TASP1: variants seen among roughly 807,000 people sequenced by gnomAD.
The protein encoded by TASP1 is taspase 1.
TASP1 carries 16 observed loss-of-function variants against 56.6 expected under a neutral mutation model. That is an observed-to-expected ratio of 0.28 (90% CI 0.19 to 0.43). TASP1 has a LOEUF of 0.43. Among genes scored for constraint, TASP1 ranks in the 20% least tolerant of loss-of-function variants. The pLI, the probability that TASP1 is intolerant of heterozygous loss-of-function variation, is 1.00. For synonymous variants in TASP1, 179 were observed against 184.2 expected, an observed-to-expected ratio of 0.97 and a Z score of 0.23; for missense variants, 393 against 511.6, an observed-to-expected ratio of 0.77 and a Z score of 2.24.
intron 5 of TASP1, among the ~76,000 whole-genome samples, chr20:13,583,064 T>C (rs189723387): frequency 2.0e-5 from 3 of 152,342 alleles, no homozygotes; most frequent in East Asian, 1.9e-4. Flanking sequence ...CACAGCAGCA[T>C]AGCTGAGAGC....
intron 8 of TASP1, among the ~76,000 whole-genome samples, chr20:13,551,862 C>T (rs1398999986): frequency 6.6e-6 from 1 of 152,204 alleles, no homozygotes; most frequent in Non-Finnish European, 1.5e-5. Context: ...GTAATCACTT[C>T]ATCACATACA....
chr20:13,109,757 T>C, the TASP1 span, among the ~76,000 whole-genome samples: 125 of 152,192 alleles, frequency 8.2e-4, no homozygotes, highest in Non-Finnish European at 1.3e-3. Context: ...ATTAATTATG[T>C]CTCTCAGAGT....
Position 13,390,240 on chromosome 20 carries a change from G to T in TASP1, c.*120C>A. ...CAGCAGCACTTGTGTCTCGAGCAGT[G>T]CACGAGGTTGCAATAGGAATTATAA... On this transcript the variant is annotated 3_prime_UTR_variant, in exon 14 of 14. Transcript: ENST00000337743. 1.1e-6 allele frequency: 1 copy of T among 880,140 alleles called. No homozygotes were observed. Among genetic ancestry groups the T allele is most frequent in the Non-Finnish European group, 1.8e-6 (1 of 566,444 alleles). 54.5% of individuals were successfully genotyped at this position (880,140 alleles called of 1,614,324 possible).
chr20:13,456,890 G>A (rs992324269), intron 11 of TASP1, among the ~76,000 whole-genome samples: 1 of 152,118 alleles, frequency 6.6e-6, no homozygotes, highest in African/African-American at 2.4e-5. Flanking sequence ...TAACCCACAA[G>A]CCAGACTTTT....
chr20:13,389,235 G>A (rs1486496649), downstream of TASP1, among the ~76,000 whole-genome samples: 1 of 152,078 alleles, frequency 6.6e-6, no homozygotes, highest in Non-Finnish European at 1.5e-5. Flanking sequence ...CTTCCATATT[G>A]AGCATTCAAT....
chr20:13,258,516 A>C, the TASP1 span, among the ~76,000 whole-genome samples: 3 of 152,132 alleles, frequency 2.0e-5, no homozygotes, highest in Non-Finnish European at 4.4e-5. Context: ...CTCAGACTCA[A>C]ACTGATACAT....
At chr20:13,467,632 C>A (rs1175206135) in intron 11 of TASP1, among the ~76,000 whole-genome samples, 4 of 151,978 alleles carry the variant, frequency 2.6e-5, no homozygotes, top group Non-Finnish European at 5.9e-5. Context: ...ATAAGAAGTT[C>A]TTTGGAACAT....
chr20:13,272,365 C>A, the TASP1 span, among the ~76,000 whole-genome samples: 1 of 152,170 alleles, frequency 6.6e-6, no homozygotes, highest in Admixed American at 6.5e-5. Context: ...CCAACCCCCG[C>A]TGTATATAAA....
intron 11 of TASP1, among the ~76,000 whole-genome samples, chr20:13,474,642 T>G (rs2044652858): frequency 6.6e-6 from 1 of 152,186 alleles, no homozygotes; most frequent in Non-Finnish European, 1.5e-5. Context: ...TTCCTTTGGG[T>G]AGCTACTCAG....
At chr20:13,241,694 T>C in the TASP1 span, among the ~76,000 whole-genome samples, 1 of 152,178 alleles carries the variant, frequency 6.6e-6, no homozygotes, top group African/African-American at 2.4e-5. Context: ...ATGGTCATCT[T>C]GGATACTGGA....
At chr20:13,361,748 C>T in the TASP1 span, among the ~76,000 whole-genome samples, 1 of 152,078 alleles carries the variant, frequency 6.6e-6, no homozygotes, top group African/African-American at 2.4e-5. Flanking sequence ...CTCTTGTTTA[C>T]ACTGCCAGTT....
chr20:13,303,757 C>T, the TASP1 span, among the ~76,000 whole-genome samples: 15 of 152,268 alleles, frequency 9.9e-5, no homozygotes, highest in East Asian at 5.8e-4. Context: ...AGGGATACAG[C>T]GGTGTACAAA....
In TASP1 at chr20:13,528,469, C is replaced by G; in HGVS notation, c.838G>C (p.Ala280Pro). 6.2e-7 allele frequency: 1 copy of G among 1,611,134 alleles called. No individual in the cohort carries two copies. Among genetic ancestry groups the G allele is most frequent in the Non-Finnish European group, 8.5e-7 (1 of 1,178,394 alleles). The change falls in exon 10 of 14, where the codon GCT (alanine) becomes CCT (proline). Residue 280 changes from alanine (A) to proline (P), a missense_variant. By Grantham distance (27) the Ala-to-Pro change is conservative (BLOSUM62 -1). Coordinates refer to ENST00000337743, the MANE Select transcript of TASP1 (RefSeq NM_017714.3). ...GCGCWAENTG[A>P]HNPYSTAVST... ...ACAGCTGTGGAGTAGGGGTTATGAG[C>G]TCCAGTATTTTCAGCCCAGCAGCCA...
the TASP1 span, among the ~76,000 whole-genome samples, chr20:13,363,735 T>A: frequency 6.6e-6 from 1 of 152,204 alleles, no homozygotes; most frequent in Non-Finnish European, 1.5e-5. Context: ...TTGAGTTAAA[T>A]TACAGGACAC....
chr20:13,187,161 C>T, the TASP1 span, among the ~76,000 whole-genome samples: 1 of 151,918 alleles, frequency 6.6e-6, no homozygotes, highest in Non-Finnish European at 1.5e-5. Flanking sequence ...GATAAGTTAA[C>T]AGAAACTTCC....
the TASP1 span, among the ~76,000 whole-genome samples, chr20:13,269,863 G>A: frequency 6.6e-6 from 1 of 152,026 alleles, no homozygotes; most frequent in Admixed American, 6.6e-5. Context: ...TGTCTATCCT[G>A]TTTATTGCTG....
At chr20:13,479,804 A>G (rs2043073353) in intron 11 of TASP1, among the ~76,000 whole-genome samples, 1 of 152,214 alleles carries the variant, frequency 6.6e-6, no homozygotes, top group South Asian at 2.1e-4. Context: ...ACTATTCTTC[A>G]TACAAGTAGT....
At chr20:13,131,377 C>T in the TASP1 span, among the ~76,000 whole-genome samples, 1 of 152,110 alleles carries the variant, frequency 6.6e-6, no homozygotes, top group South Asian at 2.1e-4. Flanking sequence ...AAGTCACTTT[C>T]CCTCTCTTGG....
At chr20:13,620,098 C>T (rs554592456) in intron 4 of TASP1, among the ~76,000 whole-genome samples, 1 of 152,198 alleles carries the variant, frequency 6.6e-6, no homozygotes, top group Admixed American at 6.5e-5. Flanking sequence ...AAGAAAACAC[C>T]TCATTCTGGT....
Sources: allele counts gnomAD v4.1 joint callset (sites outside exome capture counted in the v4.1 genomes callset), GRCh38; gene constraint gnomAD v4.1.1; transcripts MANE v1.5; gene names NCBI Gene and HGNC (gene_info 2026-07-23, HGNC 2026-07-21).